Variants in CTIF observed in about 807,000 individuals in gnomAD.
The protein encoded by CTIF is CBP80/20-dependent translation initiation factor.
In CTIF, 21 loss-of-function variants were observed where a neutral mutation model predicts 66.0. That is an observed-to-expected ratio of 0.32 (90% confidence interval 0.23 to 0.46). The LOEUF is 0.46. CTIF is among the 20% of genes least tolerant of loss of function. The pLI, the probability that CTIF is intolerant of heterozygous loss-of-function variation, is 1.00. For missense variants in CTIF, 739 were observed against 812.7 expected (o/e 0.91, Z 1.10); for synonymous variants, 345 against 326.4 (o/e 1.06, Z -0.62).
At position 48,738,346 on chromosome 18, in the gene CTIF, CTCCAGTGGT is replaced by C. The variant is rs368384768; in HGVS notation, c.585-19569_585-19561del. On this transcript the variant is annotated intron_variant, in intron 7 of 11. Transcript: ENST00000256413. The stretch of plus-strand genomic sequence containing the variant: ...CAATGTCATTTCTTAGCTCAGAACC[CTCCAGTGGT>C]TCCCAATTTCATCCAGATAAGGGCC... 6.4e-3 allele frequency among the ~76,000 whole-genome samples: 971 copies of C among 152,280 alleles called. 7 individuals carry two copies. Among genetic ancestry groups the C allele is most frequent in the Non-Finnish European group, 1.0e-2 (678 of 68,026 alleles).
chr18:48,670,533 TG>T, intron 5 of CTIF, 135 bp from the exon 6 acceptor site: 1 of 722,950 alleles, frequency 1.4e-6, no homozygotes, highest in South Asian at 1.6e-5. Context: ...TTCCTCTAGG[TG>T]GGACAGCCCC....
intron 1 of CTIF, among the ~76,000 whole-genome samples, chr18:48,595,639 C>G (rs1419623133): frequency 6.6e-6 from 1 of 152,100 alleles, no homozygotes; most frequent in Non-Finnish European, 1.5e-5. Flanking sequence ...GTTGCCCATG[C>G]TGGTCTCGAA....
chr18:48,754,451 C>T lies in CTIF; in HGVS notation c.585-3468C>T, dbSNP rs557215631. On this transcript the variant is annotated intron_variant, in intron 7 of 11. Transcript: ENST00000256413. ...GAGGCCAGTCCCAGCAATCACTCAC[C>T]CTGAGAACTAAGCAAGGCCTTGTGC... Among the ~76,000 whole-genome samples the T allele has an allele frequency of 7.1e-4, 108 of 152,294 alleles. 1 individual carries two copies. In the South Asian group the frequency reaches 0.021, roughly 30 times the overall value.
At chr18:48,666,129 C>A (rs569102776) in intron 5 of CTIF, among the ~76,000 whole-genome samples, 1 of 152,112 alleles carries the variant, frequency 6.6e-6, no homozygotes, top group South Asian at 2.1e-4. Context: ...TTTTTTCTTT[C>A]TTGGTTTTTG....
chr18:48,577,216 G>C (rs1318981050), intron 1 of CTIF, among the ~76,000 whole-genome samples: 9 of 152,216 alleles, frequency 5.9e-5, no homozygotes. Flanking sequence ...CCAGGACCAG[G>C]TGGTAGCAAC....
intron 1 of CTIF, among the ~76,000 whole-genome samples, chr18:48,546,383 G>A (rs1340213486): frequency 2.0e-5 from 3 of 152,188 alleles, no homozygotes; most frequent in Non-Finnish European, 4.4e-5. Flanking sequence ...TGGGAGGTCA[G>A]TCAGGGAAGG....
intron 3 of CTIF, among the ~76,000 whole-genome samples, chr18:48,653,048 A>T (rs1385424301): frequency 6.6e-6 from 1 of 152,212 alleles, no homozygotes; most frequent in East Asian, 1.9e-4. Context: ...AACTGGAAGC[A>T]TTCCCTTTGA....
intron 3 of CTIF, among the ~76,000 whole-genome samples, chr18:48,661,491 A>G (rs1460081134): frequency 1.3e-5 from 2 of 152,022 alleles, no homozygotes; most frequent in Non-Finnish European, 2.9e-5. Context: ...AAGCCGGTCA[A>G]CATCTCGGGA....
At chr18:48,825,434 T>G (rs1426943546) in intron 10 of CTIF, among the ~76,000 whole-genome samples, 2 of 152,306 alleles carry the variant, frequency 1.3e-5, no homozygotes, top group South Asian at 2.1e-4. Context: ...GAAATGAAAT[T>G]GCTCTGTGCA....
At chr18:48,633,450 C>T (rs1245866628) in intron 2 of CTIF, among the ~76,000 whole-genome samples, 1 of 151,958 alleles carries the variant, frequency 6.6e-6, no homozygotes, top group African/African-American at 2.4e-5. Flanking sequence ...TGCCTGTATC[C>T]CAGCACTGTG....
At chr18:48,692,318 C>A (rs8083971) in intron 6 of CTIF, among the ~76,000 whole-genome samples, 34,372 of 129,450 alleles carry the variant, frequency 0.27, 4,259 homozygotes, top group African/African-American at 0.45. Flanking sequence ...AAAACAAAAA[C>A]AAAACAAAAA....
intron 10 of CTIF, among the ~76,000 whole-genome samples, chr18:48,852,215 CAG>C (rs1462550927): frequency 1.9e-5 from 2 of 106,702 alleles, no homozygotes. Flanking sequence ...CCCTGGGGGA[CAG>C]AGTGAGACCC....
intron 3 of CTIF, among the ~76,000 whole-genome samples, chr18:48,647,392 G>A (rs1267009596): frequency 2.0e-5 from 3 of 152,156 alleles, no homozygotes; most frequent in South Asian, 2.1e-4. Context: ...GTTGATACCC[G>A]GAGATGCTGA....
In CTIF at chr18:48,711,650, T is replaced by C; in HGVS notation, c.539T>C (p.Ile180Thr). The change falls in exon 7 of 12, where the codon ATC (isoleucine) becomes ACC (threonine). Residue 180 changes from isoleucine to threonine, a missense_variant. By Grantham distance (89) the Ile-to-Thr change is moderately conservative. This residue lies in a region of CTIF where 529 missense variants were observed against 520.3 expected (regional missense o/e 1.02). Coordinates refer to ENST00000256413, the MANE Select transcript of CTIF (RefSeq NM_014772.3). ...CACCCGATGCCCCATGAAGTGGAGA[T>C]CGCACACACCAAGAAGCTGTTCCGC... ...GYHPMPHEVE[I>T]AHTKKLFRRR... 6.2e-7 allele frequency: 1 copy of C among 1,614,142 alleles called. No homozygotes were observed.
At chr18:48,712,864 C>T (rs1156521037) in intron 7 of CTIF, among the ~76,000 whole-genome samples, 1 of 152,220 alleles carries the variant, frequency 6.6e-6, no homozygotes, top group Non-Finnish European at 1.5e-5. Context: ...ACTGCTTTGT[C>T]ATCCACTGGT....
At chr18:48,541,980 TCC>T (rs767023838) in intron 1 of CTIF, among the ~76,000 whole-genome samples, 4 of 152,000 alleles carry the variant, frequency 2.6e-5, no homozygotes, top group African/African-American at 9.7e-5. Context: ...AGGGCCACAT[TCC>T]CCCTTTTCTC....
intron 9 of CTIF, among the ~76,000 whole-genome samples, chr18:48,804,528 CG>C (rs1037615313): frequency 2.6e-5 from 4 of 152,152 alleles, no homozygotes; most frequent in Non-Finnish European, 4.4e-5. Flanking sequence ...TGCCAGGGGT[CG>C]GGGGCGGCCA....
At chr18:48,823,513 T>C (rs148534295) in intron 10 of CTIF, among the ~76,000 whole-genome samples, 9 of 152,370 alleles carry the variant, frequency 5.9e-5, no homozygotes, top group African/African-American at 1.9e-4. Flanking sequence ...TTTGTTTCAT[T>C]GGTCTATATG....
In CTIF at chr18:48,711,642, A is replaced by G; in HGVS notation, c.531A>G (p.Glu177=). The part of the protein sequence containing the change: ...AWQGYHPMPH[E]VEIAHTKKLF... ...AGGGCTACCACCCGATGCCCCATGA[A>G]GTGGAGATCGCACACACCAAGAAGC... Residue 177 remains glutamate, a synonymous_variant, in exon 7 of 12, where the codon GAA becomes GAG. Coordinates refer to ENST00000256413, the MANE Select transcript of CTIF (RefSeq NM_014772.3). 6.2e-7 allele frequency: 1 copy of G among 1,614,056 alleles called. No individual in the cohort carries two copies. Among genetic ancestry groups the G allele is most frequent in the Non-Finnish European group, 8.5e-7 (1 of 1,179,970 alleles).
Sources: gnomAD v4.1 joint callset for allele counts (sites outside exome capture counted in the v4.1 genomes callset) on GRCh38, gnomAD v4.1.1 for gene constraint, gnomAD v4.1.1 regional missense constraint, MANE v1.5 for transcripts, NCBI Gene and HGNC (gene_info 2026-07-23, HGNC 2026-07-21) for gene names.